Variants in PPP2R2B observed in about 807,000 individuals in gnomAD.
PPP2R2B encodes the protein protein phosphatase 2 regulatory subunit Bbeta.
PPP2R2B carries 5 observed loss-of-function variants against 46.0 expected under a neutral mutation model. The observed-to-expected ratio is 0.11, with a 90% confidence interval of 0.06 to 0.23. The LOEUF is 0.23. Among genes scored for constraint, PPP2R2B ranks in the 10% least tolerant of loss-of-function variants. The pLI, the probability that PPP2R2B is intolerant of heterozygous loss-of-function variation, is 1.00. For missense variants in PPP2R2B, 367 were observed against 575.0 expected (o/e 0.64, Z 3.70); for synonymous variants, 215 against 206.7 (o/e 1.04, Z -0.34).
intron 7 of PPP2R2B, among the ~76,000 whole-genome samples, chr5:146,623,743 G>T (rs967639717): frequency 6.6e-6 from 1 of 152,202 alleles, no homozygotes; most frequent in African/African-American, 2.4e-5. Flanking sequence ...GCTTCGTGGG[G>T]ATAGCATTCC....
chr5:146,604,626 C>A (rs1772089052), intron 7 of PPP2R2B, among the ~76,000 whole-genome samples: 1 of 152,148 alleles, frequency 6.6e-6, no homozygotes, highest in South Asian at 2.1e-4. Flanking sequence ...ACAGTAACAA[C>A]AATAATGACA....
chr5:146,637,492 C>G (rs1231414790), intron 7 of PPP2R2B, among the ~76,000 whole-genome samples: 1 of 152,194 alleles, frequency 6.6e-6, no homozygotes, highest in African/African-American at 2.4e-5. Context: ...ATAGTGGCTT[C>G]CTAACCTGTC....
At chr5:146,645,442 A>T (rs1023829818) in intron 6 of PPP2R2B, among the ~76,000 whole-genome samples, 1 of 152,242 alleles carries the variant, frequency 6.6e-6, no homozygotes, top group Non-Finnish European at 1.5e-5. Context: ...ACAAAGAGAC[A>T]CATGGTGTCA....
intron 2 of PPP2R2B, among the ~76,000 whole-genome samples, chr5:146,764,228 G>A (rs1177017043): frequency 6.6e-6 from 1 of 152,088 alleles, no homozygotes; most frequent in South Asian, 2.1e-4. Context: ...GTCTGGAGGG[G>A]GGTGGGCAGG....
At chr5:146,979,558 AACACACACACACACAC>A (rs34864782) in intron 1 of PPP2R2B, among the ~76,000 whole-genome samples, 10 of 137,354 alleles carry the variant, frequency 7.3e-5, no homozygotes, top group East Asian at 6.4e-4. Context: ...CCCACCTTGA[AACACACACACACACAC>A]ACACACACAC....
At chr5:146,967,835 G>A (rs984008732) in intron 1 of PPP2R2B, among the ~76,000 whole-genome samples, 2 of 152,094 alleles carry the variant, frequency 1.3e-5, no homozygotes, top group Non-Finnish European at 2.9e-5. Context: ...TTCCCTAGGG[G>A]TACATGGGCC....
At chr5:146,648,018 G>A (rs527713316) in intron 6 of PPP2R2B, among the ~76,000 whole-genome samples, 3 of 152,186 alleles carry the variant, frequency 2.0e-5, no homozygotes, top group African/African-American at 4.8e-5. Flanking sequence ...CCTTGGAGAC[G>A]GTTGAGTGCT....
intron 2 of PPP2R2B, among the ~76,000 whole-genome samples, chr5:146,819,074 C>T (rs866674287): frequency 1.1e-4 from 16 of 152,264 alleles, no homozygotes; most frequent in Non-Finnish European, 1.8e-4. Flanking sequence ...GCTTTCTTCT[C>T]GGGCACAAAA....
At chr5:147,070,841 G>A (rs753750803) in intron 2 of PPP2R2B, among the ~76,000 whole-genome samples, 40 of 152,136 alleles carry the variant, frequency 2.6e-4, no homozygotes, top group Non-Finnish European at 1.9e-4. Context: ...TCAGATGCAA[G>A]CCCATTTGTA....
At chr5:146,747,381 C>T (rs186435541) in intron 2 of PPP2R2B, among the ~76,000 whole-genome samples, 1 of 152,270 alleles carries the variant, frequency 6.6e-6, no homozygotes, top group East Asian at 1.9e-4. Context: ...ACCTATAATT[C>T]CCAATTTATG....
chr5:146,693,254 A>C (rs1223773454), intron 4 of PPP2R2B, among the ~76,000 whole-genome samples: 1 of 150,484 alleles, frequency 6.6e-6, no homozygotes, highest in Non-Finnish European at 1.5e-5. Context: ...TCACTCTGTC[A>C]CCTAGGCTGG....
chr5:146,789,079 G>A (rs1006077546), intron 2 of PPP2R2B, among the ~76,000 whole-genome samples: 27 of 152,300 alleles, frequency 1.8e-4, no homozygotes, highest in African/African-American at 5.3e-4. Context: ...TCCCTAAGGA[G>A]CGTGCTCCAG....
At chr5:146,820,702 C>G (rs1031267233) in intron 2 of PPP2R2B, among the ~76,000 whole-genome samples, 8 of 152,076 alleles carry the variant, frequency 5.3e-5, no homozygotes, top group African/African-American at 1.7e-4. Flanking sequence ...CCATGTGGAA[C>G]GTCAGGCTGC....
intron 2 of PPP2R2B, among the ~76,000 whole-genome samples, chr5:146,859,936 T>A (rs1324287815): frequency 6.6e-6 from 1 of 152,214 alleles, no homozygotes; most frequent in East Asian, 1.9e-4. Context: ...ATCTGAAGTT[T>A]ACCTTGGAGA....
chr5:147,061,213 A>C (rs549247435), intron 2 of PPP2R2B, among the ~76,000 whole-genome samples: 2 of 152,226 alleles, frequency 1.3e-5, no homozygotes, highest in African/African-American at 4.8e-5. Flanking sequence ...AGAGGTAGGT[A>C]ATAAACAAAC....
chr5:147,056,449 C>A (rs995744166), upstream of PPP2R2B, among the ~76,000 whole-genome samples: 2 of 152,176 alleles, frequency 1.3e-5, no homozygotes, highest in Non-Finnish European at 2.9e-5. Context: ...TCCACTACTG[C>A]CTCTTTCTTC....
At chr5:147,014,381 A>C (rs901449977) in intron 1 of PPP2R2B, among the ~76,000 whole-genome samples, 1 of 149,730 alleles carries the variant, frequency 6.7e-6, no homozygotes, top group African/African-American at 2.5e-5. Context: ...CCATCCCATT[A>C]CTGGGTATAT....
chr5:146,703,386 G>A (rs906718542), intron 2 of PPP2R2B, among the ~76,000 whole-genome samples: 1 of 152,118 alleles, frequency 6.6e-6, no homozygotes, highest in African/African-American at 2.4e-5. Flanking sequence ...TACAATGCCT[G>A]GCTCTTGTCT....
chr5:147,063,935 T>C (rs1757344156), intron 2 of PPP2R2B, among the ~76,000 whole-genome samples: 1 of 152,204 alleles, frequency 6.6e-6, no homozygotes, highest in African/African-American at 2.4e-5. Flanking sequence ...AACTCAGTTT[T>C]CCTCTTGATT....
Sources: allele counts gnomAD v4.1 joint callset (sites outside exome capture counted in the v4.1 genomes callset), GRCh38; gene constraint gnomAD v4.1.1; transcripts MANE v1.5; gene names NCBI Gene and HGNC (gene_info 2026-07-23, HGNC 2026-07-21).